KATNIP: variants seen among roughly 807,000 people sequenced by gnomAD.
The protein encoded by KATNIP is katanin-interacting protein.
A neutral mutation model predicts 174.0 loss-of-function variants in KATNIP; 126 were observed. That is an observed-to-expected ratio of 0.72 (90% CI 0.63 to 0.84). The LOEUF is 0.84. Ranked by LOEUF, KATNIP falls within the 40% of genes least tolerant of loss-of-function variation. The pLI, the probability that KATNIP is intolerant of heterozygous loss-of-function variation, is 0.00. For synonymous variants in KATNIP, 810 were observed against 835.7 expected, an observed-to-expected ratio of 0.97 and a Z score of 0.53; for missense variants, 1,958 against 2,109.7, an observed-to-expected ratio of 0.93 and a Z score of 1.41.
intron 2 of KATNIP, among the ~76,000 whole-genome samples, chr16:27,588,757 A>G (rs2090998254): frequency 6.6e-6 from 1 of 152,168 alleles, no homozygotes; most frequent in Non-Finnish European, 1.5e-5. Context: ...TCAAGTTTGC[A>G]CGTTAAACAA....
chr16:27,663,187 G>A (rs1248563643), intron 6 of KATNIP, among the ~76,000 whole-genome samples: 1 of 108,274 alleles, frequency 9.2e-6, no homozygotes. Context: ...AGGTAGAGAA[G>A]ATGTCTCACC....
chr16:27,625,916 C>T (rs1596979374), intron 3 of KATNIP, among the ~76,000 whole-genome samples: 1 of 151,188 alleles, frequency 6.6e-6, no homozygotes, highest in African/African-American at 2.4e-5. Context: ...GTGGCATGAT[C>T]ATGTCTCACT....
At position 27,777,573 on chromosome 16, in the gene KATNIP, G is replaced by C; in HGVS notation, c.4552-37G>C. On this transcript the variant is annotated intron_variant, in intron 25 of 27. Transcript: ENST00000261588. This position sits in a 1 kb window ranked among gnomAD's most constrained non-coding sequence, Gnocchi z 4.4. ...TGCCCAAGGTCAACGTGGGAGGGAC[G>C]AGGGGGACCCATGAGTCCTGCCCCG... 1 of 1,568,026 alleles carries C rather than the reference G, an allele frequency of 6.4e-7. No homozygotes were observed. The highest frequency in any genetic ancestry group is 1.2e-5 in the South Asian group (1 of 84,126).
At position 27,751,825 on chromosome 16, in the gene KATNIP, C is replaced by G. The variant is rs769036887; in HGVS notation, c.3453C>G (p.Asp1151Glu). The stretch of plus-strand genomic sequence containing the variant: ...TTGACCTGGATGTGGGGAGCCTGGA[C>G]AGCCTGCAGGATGAAGAGGCAATGA... Reference protein sequence around the residue: ...EMFDLDVGSLDSLQDEEAMRR... With the variant: ...EMFDLDVGSLESLQDEEAMRR... Residue 1151 changes from aspartate to glutamate, a missense_variant, in exon 17 of 28, where the codon GAC becomes GAG. Transcript: ENST00000261588. 6.2e-7 allele frequency: 1 copy of G among 1,614,204 alleles called. No homozygotes were observed. Among genetic ancestry groups the G allele is most frequent in the East Asian group, 2.2e-5 (1 of 44,888 alleles).
intron 13 of KATNIP, among the ~76,000 whole-genome samples, chr16:27,719,429 G>A (rs529936822): frequency 1.3e-5 from 2 of 152,152 alleles, no homozygotes; most frequent in African/African-American, 4.8e-5. Flanking sequence ...CTGGAGTGCA[G>A]TGGTGCCATC....
chr16:27,619,424 G>A (rs968426035), intron 3 of KATNIP, among the ~76,000 whole-genome samples: 1 of 152,232 alleles, frequency 6.6e-6, no homozygotes. Context: ...CTGGTGGGGG[G>A]AAGGGGAAGA....
At chr16:27,551,600 A>C (rs2089371664) in intron 1 of KATNIP, among the ~76,000 whole-genome samples, 1 of 152,166 alleles carries the variant, frequency 6.6e-6, no homozygotes, top group Non-Finnish European at 1.5e-5. Flanking sequence ...AAATAATAAA[A>C]ATTGGGCCGG....
At chr16:27,704,244 G>A (rs143713297) in intron 12 of KATNIP, among the ~76,000 whole-genome samples, 3 of 152,120 alleles carry the variant, frequency 2.0e-5, no homozygotes, top group African/African-American at 4.8e-5. Context: ...TATAAATAGC[G>A]TGGAAGCCCA....
intron 14 of KATNIP, among the ~76,000 whole-genome samples, chr16:27,729,916 G>A (rs1048736400): frequency 6.6e-6 from 1 of 152,094 alleles, no homozygotes; most frequent in East Asian, 1.9e-4. Flanking sequence ...CCTCATTCCC[G>A]TGTATCCCCA....
chr16:27,734,754 C>T (rs147068187), intron 14 of KATNIP, among the ~76,000 whole-genome samples: 81 of 152,248 alleles, frequency 5.3e-4, no homozygotes, highest in Non-Finnish European at 9.1e-4. Context: ...GGTACAGGTG[C>T]TCCTAACAGT....
intron 2 of KATNIP, among the ~76,000 whole-genome samples, chr16:27,598,391 C>CG (rs2075408185): frequency 6.6e-6 from 1 of 152,186 alleles, no homozygotes; most frequent in Non-Finnish European, 1.5e-5. Context: ...GGCTTCTTCC[C>CG]GGGCAGCTGG....
chr16:27,690,784 T>TG (rs2078702465), intron 8 of KATNIP, among the ~76,000 whole-genome samples: 1 of 151,780 alleles, frequency 6.6e-6, no homozygotes, highest in Non-Finnish European at 1.5e-5. Context: ...CCACAGGGAG[T>TG]GGGGTGCACT....
At chr16:27,702,895 A>G (rs2008196) in intron 11 of KATNIP, among the ~76,000 whole-genome samples, 31,488 of 152,210 alleles carry the variant, frequency 0.21, 3,748 homozygotes, top group African/African-American at 0.34. Flanking sequence ...CGCCCGGTGC[A>G]GTGGCTCATG....
At chr16:27,749,447 C>G (rs2081410128) in intron 15 of KATNIP, 137 bp from the exon 16 acceptor site, 6 of 1,036,700 alleles carry the variant, frequency 5.8e-6, no homozygotes, top group South Asian at 5.7e-5. Flanking sequence ...CCGGGAACAA[C>G]CCCGCTGGTT....
intron 6 of KATNIP, among the ~76,000 whole-genome samples, chr16:27,656,519 G>C (rs2077292686): frequency 6.6e-6 from 1 of 151,052 alleles, no homozygotes; most frequent in Admixed American, 6.6e-5. Flanking sequence ...TAACACAATA[G>C]CAAAGACTTG....
Position 27,662,019 on chromosome 16 carries a change from CATACATATATAT to C in KATNIP, c.540+13288_540+13299del, listed in dbSNP as rs1567269733. 8.1e-3 allele frequency among the ~76,000 whole-genome samples: 295 copies of C among 36,400 alleles called. 99 individuals are homozygous for C. Among genetic ancestry groups the C allele is most frequent in the African/African-American group, 0.041 (270 of 6,560 alleles). The allele number at this position is 36,400 out of a possible 152,430, so 23.9% of individuals were successfully genotyped here. The stretch of plus-strand genomic sequence containing the variant: ...ATATATATATATATATATATATACA[CATACATATATAT>C]ATATATATATACACATACATATATA... On this transcript the variant is annotated intron_variant, in intron 6 of 27. Coordinates refer to ENST00000261588, the MANE Select transcript of KATNIP (RefSeq NM_015202.5).
At chr16:27,679,749 CAAAAA>C (rs60190438) in intron 7 of KATNIP, among the ~76,000 whole-genome samples, 4 of 55,756 alleles carry the variant, frequency 7.2e-5, no homozygotes, top group African/African-American at 1.1e-4. Context: ...GAGACCCTCT[CAAAAA>C]AAAAAAAAAA....
intron 6 of KATNIP, among the ~76,000 whole-genome samples, chr16:27,657,777 G>A (rs2077347173): frequency 6.6e-6 from 1 of 152,174 alleles, no homozygotes; most frequent in South Asian, 2.1e-4. Flanking sequence ...GGGCGTGGTG[G>A]TGTGCACCTG....
At chr16:27,750,345 C>G (rs778418451) in intron 16 of KATNIP, 39 bp downstream of exon 16, 1 of 1,565,540 alleles carries the variant, frequency 6.4e-7, no homozygotes, top group Non-Finnish European at 8.7e-7. Context: ...GAGCCCCTAT[C>G]TGTGACTTGC....
Sources: gnomAD v4.1 joint callset for allele counts (sites outside exome capture counted in the v4.1 genomes callset) on GRCh38, gnomAD v4.1.1 for gene constraint, Gnocchi (gnomAD v3.1) non-coding constraint, MANE v1.5 for transcripts, NCBI Gene and HGNC (gene_info 2026-07-23, HGNC 2026-07-21) for gene names.